LIN52: variants seen among roughly 807,000 people sequenced by gnomAD.
LIN52 encodes the protein protein lin-52 homolog.
A neutral mutation model predicts 18.5 loss-of-function variants in LIN52; 4 were observed. The ratio of observed to expected loss-of-function variants is 0.22; its 90% CI spans 0.11 to 0.49. LIN52 has a LOEUF of 0.49. LIN52 is among the 20% of genes least tolerant of loss of function. The pLI, the probability that LIN52 is intolerant of heterozygous loss-of-function variation, is 0.97. For synonymous variants in LIN52, 34 were observed against 45.5 expected, an observed-to-expected ratio of 0.75 and a Z score of 1.02; for missense variants, 102 against 139.5, an observed-to-expected ratio of 0.73 and a Z score of 1.35.
Position 74,113,703 on chromosome 14 carries a change from CTG to C in LIN52, c.283+12473_283+12474del, listed in dbSNP as rs1189272335. On this transcript the variant is annotated intron_variant, in intron 5 of 5. Coordinates refer to ENST00000555028, the MANE Select transcript of LIN52 (RefSeq NM_001024674.3). ...AAGTATCTTAATGCTGTCAAATTAA[CTG>C]TGTGTGTTGTAGATGGTTTGGGGAG... Among the ~76,000 whole-genome samples the C allele has an allele frequency of 4.6e-5, 7 of 152,086 alleles. No individual in the cohort carries two copies. The East Asian group carries it at 5.8e-4, about 13-fold the overall frequency.
chr14:74,184,015 TC>T (rs1368286129), intron 5 of LIN52, among the ~76,000 whole-genome samples: 2 of 152,184 alleles, frequency 1.3e-5, no homozygotes, highest in Non-Finnish European at 2.9e-5. Flanking sequence ...TCTTTTAATT[TC>T]TCTGTAACTG....
At chr14:74,127,959 A>C (rs547385120) in intron 5 of LIN52, among the ~76,000 whole-genome samples, 27 of 152,290 alleles carry the variant, frequency 1.8e-4, no homozygotes, top group Non-Finnish European at 1.5e-4. Context: ...TCTCTTGAGC[A>C]TGTAAGTCAG....
intron 2 of LIN52, among the ~76,000 whole-genome samples, chr14:74,092,628 A>G (rs2060780263): frequency 6.7e-6 from 1 of 150,264 alleles, no homozygotes; most frequent in African/African-American, 2.4e-5. Context: ...TTAAAACTAC[A>G]TTTATAGGCT....
At chr14:74,117,031 C>A (rs1240741074) in intron 5 of LIN52, among the ~76,000 whole-genome samples, 1 of 152,020 alleles carries the variant, frequency 6.6e-6, no homozygotes, top group Admixed American at 6.6e-5. Flanking sequence ...ATTTTAGAAA[C>A]AAAATTGTAC....
chr14:74,180,024 G>A (rs1260395876), intron 5 of LIN52, among the ~76,000 whole-genome samples: 1 of 152,202 alleles, frequency 6.6e-6, no homozygotes, highest in African/African-American at 2.4e-5. Flanking sequence ...TGATGCTTAT[G>A]TAGTTGGTCA....
intron 5 of LIN52, among the ~76,000 whole-genome samples, chr14:74,120,327 A>C (rs919747421): frequency 6.6e-6 from 1 of 152,052 alleles, no homozygotes; most frequent in Admixed American, 6.6e-5. Flanking sequence ...GAAATCTTTA[A>C]AAAAGTTTTG....
intron 5 of LIN52, among the ~76,000 whole-genome samples, chr14:74,181,964 T>G (rs906436181): frequency 1.2e-4 from 19 of 152,186 alleles, no homozygotes; most frequent in African/African-American, 4.6e-4. Flanking sequence ...AAAAAGTTTT[T>G]TAAAATTAAG....
chr14:74,138,547 G>A (rs1291738524), intron 5 of LIN52, among the ~76,000 whole-genome samples: 1 of 152,132 alleles, frequency 6.6e-6, no homozygotes, highest in African/African-American at 2.4e-5. Context: ...GAGGCCGGGA[G>A]TTCAAGACTA....
At chr14:74,140,394 C>T (rs974746264) in intron 5 of LIN52, among the ~76,000 whole-genome samples, 25 of 152,142 alleles carry the variant, frequency 1.6e-4, no homozygotes, top group African/African-American at 5.6e-4. Context: ...ATAGCTACAC[C>T]GGGGCTCTAT....
intron 5 of LIN52, among the ~76,000 whole-genome samples, chr14:74,136,965 A>G (rs1018731423): frequency 6.6e-6 from 1 of 152,080 alleles, no homozygotes; most frequent in Non-Finnish European, 1.5e-5. Flanking sequence ...CCTTGGAACT[A>G]TAATTTTAAA....
intron 5 of LIN52, among the ~76,000 whole-genome samples, chr14:74,181,948 T>G (rs568434679): frequency 6.6e-6 from 1 of 152,294 alleles, no homozygotes; most frequent in East Asian, 1.9e-4. Flanking sequence ...TACATGATTT[T>G]AGAGGAAAAA....
chr14:74,155,710 A>G (rs1037129053), intron 5 of LIN52, among the ~76,000 whole-genome samples: 2 of 152,208 alleles, frequency 1.3e-5, no homozygotes, highest in Non-Finnish European at 2.9e-5. Flanking sequence ...TAAAATATAC[A>G]TTTTTAACAA....
chr14:74,123,443 A>C (rs546630630), intron 5 of LIN52, among the ~76,000 whole-genome samples: 1 of 152,212 alleles, frequency 6.6e-6, no homozygotes, highest in Non-Finnish European at 1.5e-5. Context: ...AGGAAGAAGA[A>C]GACCTTTGAG....
intron 5 of LIN52, among the ~76,000 whole-genome samples, chr14:74,196,087 T>C (rs2078910542): frequency 6.6e-6 from 1 of 152,134 alleles, no homozygotes; most frequent in African/African-American, 2.4e-5. Context: ...CTTTCTCTCC[T>C]CCCATGTAGG....
At chr14:74,144,480 G>A (rs181739708) in intron 5 of LIN52, among the ~76,000 whole-genome samples, 8 of 152,216 alleles carry the variant, frequency 5.3e-5, no homozygotes, top group Non-Finnish European at 8.8e-5. Context: ...GAAGAATGCA[G>A]CAAAAAGATT....
chr14:74,173,985 C>A (rs752877870), intron 5 of LIN52, among the ~76,000 whole-genome samples: 1 of 152,142 alleles, frequency 6.6e-6, no homozygotes, highest in Non-Finnish European at 1.5e-5. Context: ...TGAAGAAACC[C>A]AGGTTCTGTT....
chr14:74,095,259 C>G (rs781250696), intron 2 of LIN52, among the ~76,000 whole-genome samples: 1 of 149,798 alleles, frequency 6.7e-6, no homozygotes, highest in Non-Finnish European at 1.5e-5. Context: ...TCAAGCCTTC[C>G]AAGTAGCTAG....
rs1032921413 is a variant in LIN52 at position 74,198,054 on chromosome 14, A to G, written c.284-868A>G. On this transcript the variant is annotated intron_variant, in intron 5 of 5. Coordinates refer to ENST00000555028, the MANE Select transcript of LIN52 (RefSeq NM_001024674.3). Reference sequence around the variant, plus strand: ...CTTCCAGAGCCAGCCATCAGCGATCAGAAACTTTCTGCACTGTTAAATCCA... The same window carrying G: ...CTTCCAGAGCCAGCCATCAGCGATCGGAAACTTTCTGCACTGTTAAATCCA... Among the ~76,000 whole-genome samples, 22 of 152,240 alleles carry G rather than the reference A, an allele frequency of 1.4e-4. 1 individual carries two copies. Among genetic ancestry groups the G allele is most frequent in the Non-Finnish European group, 1.5e-5 (1 of 68,040 alleles).
At chr14:74,131,682 C>T (rs549493816) in intron 5 of LIN52, among the ~76,000 whole-genome samples, 20 of 152,242 alleles carry the variant, frequency 1.3e-4, no homozygotes, top group South Asian at 1.2e-3. Flanking sequence ...ATTTTTAATA[C>T]GCATTTCTTG....
Sources: gnomAD v4.1 joint callset for allele counts (sites outside exome capture counted in the v4.1 genomes callset) on GRCh38, gnomAD v4.1.1 for gene constraint, MANE v1.5 for transcripts, NCBI Gene and HGNC (gene_info 2026-07-23, HGNC 2026-07-21) for gene names.